Variants in CNTNAP4 observed in about 807,000 individuals in gnomAD.
CNTNAP4 encodes the protein contactin associated protein family member 4, also known as contactin-associated protein-like 4.
In CNTNAP4, 98 loss-of-function variants were observed where a neutral mutation model predicts 148.4. The observed-to-expected ratio is 0.66, with a 90% CI of 0.56 to 0.78. The LOEUF (loss-of-function observed/expected upper bound fraction) is 0.78. Among genes scored for constraint, CNTNAP4 ranks in the 30% least tolerant of loss-of-function variants. The probability of loss-of-function intolerance (pLI) is 0.00; values close to 1 mark genes in which losing one functional copy is unlikely to be tolerated. For synonymous variants in CNTNAP4, 730 were observed against 565.1 expected (o/e 1.29, Z -4.14); for missense variants, 1,935 against 1,565.6 (o/e 1.24, Z -3.98).
intron 2 of CNTNAP4, among the ~76,000 whole-genome samples, 193 bp from the exon 3 acceptor site, chr16:76,355,125 A>G (rs2012403944): frequency 6.6e-6 from 1 of 152,198 alleles, no homozygotes; most frequent in Admixed American, 6.5e-5. Flanking sequence ...AATGAATACA[A>G]TTAATTAACA....
At chr16:76,463,152 T>C (rs867066479) in intron 9 of CNTNAP4, among the ~76,000 whole-genome samples, 1 of 152,242 alleles carries the variant, frequency 6.6e-6, no homozygotes, top group Non-Finnish European at 1.5e-5. Flanking sequence ...TAAAACCTTT[T>C]GGAATATATG....
chr16:76,471,731 G>A (rs1000159498), intron 10 of CNTNAP4, among the ~76,000 whole-genome samples: 6 of 152,246 alleles, frequency 3.9e-5, no homozygotes, highest in Non-Finnish European at 7.4e-5. Context: ...TTTGAAGATC[G>A]TGGTGTTATT....
chr16:76,318,515 T>G (rs1400557847), intron 2 of CNTNAP4, among the ~76,000 whole-genome samples: 3 of 152,046 alleles, frequency 2.0e-5, no homozygotes, highest in African/African-American at 7.2e-5. Flanking sequence ...ATCATTTTAA[T>G]TATCTTTTGC....
chr16:76,293,046 G>T (rs915152260), intron 1 of CNTNAP4, among the ~76,000 whole-genome samples: 4 of 152,040 alleles, frequency 2.6e-5, no homozygotes, highest in African/African-American at 9.7e-5. Context: ...CTCTTTCTTA[G>T]ACTGTTAACC....
At chr16:76,374,267 C>T (rs184489915) in intron 3 of CNTNAP4, among the ~76,000 whole-genome samples, 2 of 152,008 alleles carry the variant, frequency 1.3e-5, no homozygotes, top group African/African-American at 2.4e-5. Flanking sequence ...GAATTTGGGT[C>T]GGGCTAGAGA....
At chr16:76,460,773 A>AAAAAAAAAAAATATAT in intron 8 of CNTNAP4, among the ~76,000 whole-genome samples, 1 of 57,326 alleles carries the variant, frequency 1.7e-5, no homozygotes, top group Non-Finnish European at 3.3e-5. Flanking sequence ...AAAAAAAAAA[A>AAAAAAAAAAAATATAT]ATATATATAT....
At chr16:76,531,519 AATTC>A (rs1344765459) in intron 17 of CNTNAP4, among the ~76,000 whole-genome samples, 1 of 152,166 alleles carries the variant, frequency 6.6e-6, no homozygotes, top group Admixed American at 6.6e-5. Flanking sequence ...GAAGTCCCGA[AATTC>A]ATTATATCTG....
chr16:76,373,081 G>A (rs17766910), intron 3 of CNTNAP4, among the ~76,000 whole-genome samples: 27,773 of 151,326 alleles, frequency 0.18, 3,092 homozygotes, highest in East Asian at 0.47. Flanking sequence ...CTATGAGGGT[G>A]TACATCTGAT....
intron 3 of CNTNAP4, among the ~76,000 whole-genome samples, chr16:76,360,407 T>C (rs900525163): frequency 1.3e-5 from 2 of 152,128 alleles, no homozygotes; most frequent in African/African-American, 4.8e-5. Flanking sequence ...TAATAGAAAA[T>C]CTGAGGAGGC....
intron 3 of CNTNAP4, among the ~76,000 whole-genome samples, chr16:76,364,194 A>G (rs990918855): frequency 7.6e-6 from 1 of 132,246 alleles, no homozygotes; most frequent in East Asian, 2.3e-4. Context: ...CTGATATGCC[A>G]CTGCATTCCA....
At chr16:76,454,938 G>C (rs1403472540) in intron 8 of CNTNAP4, among the ~76,000 whole-genome samples, 2 of 152,022 alleles carry the variant, frequency 1.3e-5, no homozygotes, top group African/African-American at 4.8e-5. Flanking sequence ...ATTTTATAAT[G>C]AAATTAAGAT....
intron 3 of CNTNAP4, among the ~76,000 whole-genome samples, chr16:76,383,928 T>A (rs1403026690): frequency 6.6e-6 from 1 of 152,220 alleles, no homozygotes. Flanking sequence ...TTTGAAAATG[T>A]CCATAATAAA....
intron 10 of CNTNAP4, among the ~76,000 whole-genome samples, chr16:76,470,761 A>T (rs1201122487): frequency 6.6e-6 from 1 of 152,180 alleles, no homozygotes; most frequent in Non-Finnish European, 1.5e-5. Flanking sequence ...TAATACTTTA[A>T]GTTGGCTCAA....
chr16:76,376,993 G>C (rs1013702121), intron 3 of CNTNAP4, among the ~76,000 whole-genome samples: 4 of 151,308 alleles, frequency 2.6e-5, no homozygotes, highest in Admixed American at 2.6e-4. Flanking sequence ...GGAGAGATGG[G>C]AGATTTATTT....
At chr16:76,449,035 C>A in intron 6 of CNTNAP4, 84 bp downstream of exon 6, 1 of 1,259,608 alleles carries the variant, frequency 7.9e-7, no homozygotes, top group Non-Finnish European at 1.1e-6. Context: ...CTATAAAGAG[C>A]CCACCTTTTC....
intron 15 of CNTNAP4, among the ~76,000 whole-genome samples, chr16:76,510,158 C>G (rs916555036): frequency 4.0e-5 from 6 of 151,886 alleles, no homozygotes; most frequent in African/African-American, 1.4e-4. Flanking sequence ...ACGCACTCCC[C>G]ATCCCAGCCC....
At position 76,326,933 on chromosome 16, in the gene CNTNAP4, AAAACTT is replaced by A. The variant is rs200687980; in HGVS notation, c.196+10414_196+10419del. 1.1e-4 allele frequency among the ~76,000 whole-genome samples: 16 copies of A among 152,294 alleles called. No individual in the cohort carries two copies. The East Asian group carries it at 2.3e-3, about 22-fold the overall frequency. ...CCTGCACGTTGTGCACATGTACCCTAAAACTTAAAGTAAGAATAAAATTTAAAAAAT... is the reference window on the plus strand; with the variant it reads ...CCTGCACGTTGTGCACATGTACCCTAAAAGTAAGAATAAAATTTAAAAAAT... On this transcript the variant is annotated intron_variant, in intron 2 of 23. Coordinates refer to ENST00000611870, the MANE Select transcript of CNTNAP4 (RefSeq NM_033401.5).
At chr16:76,471,536 C>T (rs929958114) in intron 10 of CNTNAP4, among the ~76,000 whole-genome samples, 3 of 152,040 alleles carry the variant, frequency 2.0e-5, no homozygotes, top group Non-Finnish European at 4.4e-5. Context: ...CCAATCCACC[C>T]CTACTATCCA....
At chr16:76,494,364 T>C (rs1430077831) in intron 13 of CNTNAP4, among the ~76,000 whole-genome samples, 2 of 152,314 alleles carry the variant, frequency 1.3e-5, no homozygotes, top group East Asian at 1.9e-4. Context: ...AGATAAAATA[T>C]ATACTTCCAA....
Sources: gnomAD v4.1 joint callset for allele counts (sites outside exome capture counted in the v4.1 genomes callset) on GRCh38, gnomAD v4.1.1 for gene constraint, MANE v1.5 for transcripts, NCBI Gene and HGNC (gene_info 2026-07-23, HGNC 2026-07-21) for gene names.